Variants in COPG2 observed in about 807,000 individuals in gnomAD.
The protein encoded by COPG2 is coatomer subunit gamma-2.
In COPG2, 37 loss-of-function variants were observed where a neutral mutation model predicts 46.3. That is an observed-to-expected ratio of 0.80 (90% CI 0.61 to 1.05). COPG2 has a LOEUF of 1.05. Among genes scored for constraint, COPG2 ranks in the 50% least tolerant of loss-of-function variants. The pLI is 0.00. For missense variants in COPG2, 427 were observed against 387.8 expected (o/e 1.10, Z -0.85); for synonymous variants, 159 against 129.7 (o/e 1.23, Z -1.53).
At chr7:130,576,361 C>T (rs1466577965) in intron 9 of COPG2, among the ~76,000 whole-genome samples, 4 of 152,270 alleles carry the variant, frequency 2.6e-5, no homozygotes, top group Non-Finnish European at 5.9e-5. Context: ...GAAATTATAT[C>T]AAGAACTCTC....
chr7:130,566,113 GAATA>G (rs1793798859), intron 9 of COPG2, among the ~76,000 whole-genome samples: 1 of 152,058 alleles, frequency 6.6e-6, no homozygotes, highest in Non-Finnish European at 1.5e-5. Flanking sequence ...GTCTCAAGCA[GAATA>G]AATACAAAAA....
chr7:130,518,519 T>A (rs950172545), intron 20 of COPG2, among the ~76,000 whole-genome samples: 2 of 152,254 alleles, frequency 1.3e-5, no homozygotes, highest in East Asian at 3.9e-4. Flanking sequence ...CTCAAGAGTA[T>A]ACCTTGAGAA....
In COPG2 at chr7:130,507,693, G is replaced by A. The variant is rs781992175; in HGVS notation, c.2378C>T (p.Thr793Ile). Residue 793 changes from threonine (T) to isoleucine (I), a missense_variant, in exon 22 of 24, where the codon ACC becomes ATC. By Grantham distance (89) the Thr-to-Ile change is moderately conservative. Transcript: ENST00000425248. ...AGCAAAATGGGTCTCACCTTCAAGG[G>A]TTTTGGTAGAACTGAGGGCAAAGGT... ...EETFALSSTK[T>I]LEEAVNNIIT... 4 of 780,326 alleles carry A rather than the reference G, an allele frequency of 5.1e-6. No homozygotes were observed. Among genetic ancestry groups the A allele is most frequent in the East Asian group, 4.9e-5 (2 of 41,222 alleles). 48.3% of individuals were successfully genotyped at this position (780,326 alleles called of 1,614,324 possible).
chr7:130,527,648 G>A (rs1397110320), intron 20 of COPG2, among the ~76,000 whole-genome samples: 2 of 152,256 alleles, frequency 1.3e-5, no homozygotes, highest in African/African-American at 4.8e-5. Context: ...AGGCCGCCTT[G>A]GGGTCCTGCA....
intron 20 of COPG2, chr7:130,509,977 G>A: frequency 8.4e-6 from 4 of 474,634 alleles, no homozygotes; most frequent in East Asian, 6.4e-5. Flanking sequence ...AAAGTCCACC[G>A]GGCAGCTGGA....
intron 9 of COPG2, chr7:130,605,206 T>C (rs1554451055): frequency 1.9e-6 from 1 of 519,958 alleles, no homozygotes; most frequent in African/African-American, 1.9e-5. Context: ...TCAAATTCAC[T>C]AACTCTCTTT....
At chr7:130,635,667 T>C (rs1025440270) in intron 5 of COPG2, among the ~76,000 whole-genome samples, 1 of 152,236 alleles carries the variant, frequency 6.6e-6, no homozygotes, top group Non-Finnish European at 1.5e-5. Context: ...CCTGGATTCA[T>C]TGATTTTTTG....
chr7:130,537,246 G>A (rs960289186), intron 20 of COPG2, among the ~76,000 whole-genome samples: 4 of 151,676 alleles, frequency 2.6e-5, no homozygotes, highest in African/African-American at 9.7e-5. Context: ...AATCAGGAAG[G>A]TTTAGGGGAG....
intron 12 of COPG2, among the ~76,000 whole-genome samples, chr7:130,559,097 T>A (rs1271050091): frequency 6.6e-6 from 1 of 152,060 alleles, no homozygotes; most frequent in African/African-American, 2.4e-5. Context: ...AAAGACATCA[T>A]AAGAAAAGTC....
At chr7:130,525,094 G>C (rs944926004) in intron 20 of COPG2, among the ~76,000 whole-genome samples, 13 of 152,162 alleles carry the variant, frequency 8.5e-5, no homozygotes, top group Non-Finnish European at 1.6e-4. Context: ...GAAAAAGAGA[G>C]ACGTGGGAGT....
At chr7:130,550,098 A>C (rs1292862623) in intron 17 of COPG2, among the ~76,000 whole-genome samples, 1 of 152,118 alleles carries the variant, frequency 6.6e-6, no homozygotes, top group South Asian at 2.1e-4. Context: ...AATATGTCTT[A>C]AATCTAAAAG....
chr7:130,549,619 T>C (rs1333648255), intron 17 of COPG2, among the ~76,000 whole-genome samples: 1 of 152,180 alleles, frequency 6.6e-6, no homozygotes, highest in African/African-American at 2.4e-5. Flanking sequence ...TTAAATGGAC[T>C]GGAATGTACA....
intron 20 of COPG2, chr7:130,511,558 T>C: frequency 1.3e-5 from 7 of 519,808 alleles, no homozygotes; most frequent in South Asian, 9.8e-5. Flanking sequence ...GAAAGCAACA[T>C]TAGAGTTGTC....
At chr7:130,526,061 A>G (rs1401915639) in intron 20 of COPG2, among the ~76,000 whole-genome samples, 1 of 151,980 alleles carries the variant, frequency 6.6e-6, no homozygotes, top group African/African-American at 2.4e-5. Context: ...AAAGGAGGTG[A>G]GGAAAGGAGG....
intron 5 of COPG2, among the ~76,000 whole-genome samples, chr7:130,622,587 A>G (rs1795057888): frequency 6.6e-6 from 1 of 152,218 alleles, no homozygotes; most frequent in South Asian, 2.1e-4. Flanking sequence ...TATTTCTACA[A>G]AAGACTAAAT....
intron 5 of COPG2, among the ~76,000 whole-genome samples, chr7:130,629,514 C>A (rs1795187190): frequency 6.6e-6 from 1 of 151,714 alleles, no homozygotes; most frequent in Non-Finnish European, 1.5e-5. Flanking sequence ...CCTGCCTCAG[C>A]CTCCCGAGTA....
In COPG2 at chr7:130,611,102, T is replaced by A. The variant is rs368334352; in HGVS notation, c.588A>T (p.Ala196=). The change falls in exon 9 of 24, where the codon GCA becomes GCT. Residue 196 remains alanine, a synonymous_variant. Coordinates refer to ENST00000425248, the MANE Select transcript of COPG2 (RefSeq NM_012133.6). ...SSDNIMVQYH[A]LGVLYHLRKN... The stretch of plus-strand genomic sequence containing the variant: ...TTCTAAGGTGATACAGGACTCCCAA[T>A]GCATGGTACTAAAGAACATGAAAAA... The A allele has an allele frequency of 1.6e-4, 257 of 1,613,172 alleles. No homozygotes were observed. Among genetic ancestry groups the A allele is most frequent in the Middle Eastern group, 1.3e-3 (8 of 6,084 alleles).
intron 9 of COPG2, among the ~76,000 whole-genome samples, chr7:130,586,501 T>A (rs1794272606): frequency 6.6e-6 from 1 of 152,050 alleles, no homozygotes; most frequent in Admixed American, 6.6e-5. Flanking sequence ...CTCGCTGTGT[T>A]GCCCAGGCAG....
intron 5 of COPG2, among the ~76,000 whole-genome samples, chr7:130,629,994 T>C (rs1283781874): frequency 6.6e-6 from 1 of 151,758 alleles, no homozygotes; most frequent in Non-Finnish European, 1.5e-5. Flanking sequence ...CTCGGCTCAC[T>C]GCAACCTCTG....
Sources: allele counts gnomAD v4.1 joint callset (sites outside exome capture counted in the v4.1 genomes callset), GRCh38; gene constraint gnomAD v4.1.1; transcripts MANE v1.5; gene names NCBI Gene and HGNC (gene_info 2026-07-23, HGNC 2026-07-21).